Variants in PDSS2 observed in about 807,000 individuals in gnomAD.
PDSS2 encodes the protein decaprenyl diphosphate synthase subunit 2.
In PDSS2, 31 loss-of-function variants were observed where a neutral mutation model predicts 44.5. That is an observed-to-expected ratio of 0.70 (90% CI 0.52 to 0.94). The LOEUF is 0.94. Among genes scored for constraint, PDSS2 ranks in the 40% least tolerant of loss-of-function variants. The probability of loss-of-function intolerance (pLI) is 0.00; values close to 1 mark genes in which losing one functional copy is unlikely to be tolerated. For missense variants in PDSS2, 452 were observed against 482.2 expected (o/e 0.94, Z 0.59); for synonymous variants, 157 against 180.3 (o/e 0.87, Z 1.03).
chr6:107,287,579 T>C (rs2115004662), intron 2 of PDSS2, among the ~76,000 whole-genome samples: 1 of 152,284 alleles, frequency 6.6e-6, no homozygotes, highest in South Asian at 2.1e-4. Flanking sequence ...TGGAGTGCAG[T>C]GGTGCAATCT....
At chr6:107,297,123 CAA>C (rs1255531429) in intron 2 of PDSS2, among the ~76,000 whole-genome samples, 1 of 152,110 alleles carries the variant, frequency 6.6e-6, no homozygotes, top group Non-Finnish European at 1.5e-5. Context: ...TGGGCATAGA[CAA>C]AGGAATACAC....
intron 1 of PDSS2, among the ~76,000 whole-genome samples, chr6:107,414,517 C>A (rs1319336400): frequency 6.6e-6 from 1 of 152,206 alleles, no homozygotes; most frequent in African/African-American, 2.4e-5. Context: ...TACATACATT[C>A]TTAAGCACAG....
chr6:107,332,652 T>C (rs1462020131), intron 2 of PDSS2, among the ~76,000 whole-genome samples: 1 of 151,690 alleles, frequency 6.6e-6, no homozygotes, highest in Non-Finnish European at 1.5e-5. Flanking sequence ...GGAGGGAACA[T>C]GAGAACTACA....
intron 1 of PDSS2, among the ~76,000 whole-genome samples, chr6:107,442,373 C>G (rs1781535640): frequency 6.6e-6 from 1 of 152,126 alleles, no homozygotes. Context: ...GCTGAGATCA[C>G]ACCACTGCAC....
At chr6:107,277,488 T>C (rs969052418) in intron 2 of PDSS2, among the ~76,000 whole-genome samples, 1 of 152,188 alleles carries the variant, frequency 6.6e-6, no homozygotes, top group Admixed American at 6.5e-5. Context: ...GGATGATATA[T>C]ATTTTTTAAT....
intron 2 of PDSS2, 51 bp from the exon 3 acceptor site, chr6:107,274,278 A>C: frequency 1.4e-6 from 2 of 1,380,400 alleles, no homozygotes; most frequent in Non-Finnish European, 2.1e-6. Flanking sequence ...CCATTTTATC[A>C]CTAATGTCTG....
At chr6:107,286,404 G>C (rs997356780) in intron 2 of PDSS2, among the ~76,000 whole-genome samples, 1 of 151,854 alleles carries the variant, frequency 6.6e-6, no homozygotes, top group Non-Finnish European at 1.5e-5. Context: ...CAGCTACTCG[G>C]GAGGCTGAGG....
intron 1 of PDSS2, among the ~76,000 whole-genome samples, chr6:107,385,723 CT>C (rs968739897): frequency 3.3e-5 from 5 of 151,078 alleles, no homozygotes; most frequent in African/African-American, 1.2e-4. Flanking sequence ...AGCTGAACAT[CT>C]TTTTTTTTCT....
chr6:107,340,945 A>G (rs1360576871), intron 1 of PDSS2, among the ~76,000 whole-genome samples: 2 of 152,152 alleles, frequency 1.3e-5, no homozygotes, highest in African/African-American at 4.8e-5. Context: ...CTTGAAAGTC[A>G]GGTTTAGAGT....
intron 2 of PDSS2, among the ~76,000 whole-genome samples, chr6:107,288,995 C>T (rs1036470928): frequency 1.2e-4 from 18 of 149,872 alleles, no homozygotes; most frequent in African/African-American, 3.7e-4. Context: ...GCTCACCTCA[C>T]CTCTCAGGTG....
chr6:107,389,664 C>T (rs374492475), intron 1 of PDSS2, among the ~76,000 whole-genome samples: 3 of 152,164 alleles, frequency 2.0e-5, no homozygotes, highest in South Asian at 4.2e-4. Flanking sequence ...TGTAGATACA[C>T]AAATAATTAT....
intron 1 of PDSS2, among the ~76,000 whole-genome samples, chr6:107,336,114 G>GTAGT (rs1777882993): frequency 1.3e-5 from 2 of 151,392 alleles, no homozygotes; most frequent in African/African-American, 4.9e-5. Context: ...AATTACCCAG[G>GTAGT]CGTGGTGGCA....
At chr6:107,177,948 T>G (rs184683007) in intron 7 of PDSS2, among the ~76,000 whole-genome samples, 2 of 152,324 alleles carry the variant, frequency 1.3e-5, no homozygotes, top group Admixed American at 1.3e-4. Flanking sequence ...GAGGAATATA[T>G]AAACTATGTT....
At chr6:107,263,588 G>A (rs9486573) in intron 3 of PDSS2, among the ~76,000 whole-genome samples, 31,251 of 152,092 alleles carry the variant, frequency 0.21, 3,638 homozygotes, top group African/African-American at 0.3. Context: ...TAACCTTCCT[G>A]TGCCAAAAAG....
At chr6:107,395,002 T>C (rs1186294955) in intron 1 of PDSS2, among the ~76,000 whole-genome samples, 3 of 152,202 alleles carry the variant, frequency 2.0e-5, no homozygotes, top group East Asian at 1.9e-4. Context: ...TGATGACTTC[T>C]TTCAGCTTTG....
intron 1 of PDSS2, among the ~76,000 whole-genome samples, chr6:107,420,726 A>G (rs12110468): frequency 0.027 from 4,089 of 152,266 alleles, 203 homozygotes; most frequent in African/African-American, 0.094. Context: ...GAACCACAGA[A>G]CTATAAAACT....
intron 3 of PDSS2, among the ~76,000 whole-genome samples, chr6:107,258,574 G>C (rs891004200): frequency 2.0e-5 from 3 of 152,216 alleles, no homozygotes; most frequent in East Asian, 1.9e-4. Context: ...GGCCGAGGCA[G>C]GCAGATCACC....
chr6:107,238,577 A>G (rs1446124149), intron 4 of PDSS2, among the ~76,000 whole-genome samples: 1 of 152,212 alleles, frequency 6.6e-6, no homozygotes, highest in Non-Finnish European at 1.5e-5. Context: ...TCTACCACGG[A>G]GATTTACTGG....
chr6:107,247,557 T>C (rs1253218768), intron 3 of PDSS2, among the ~76,000 whole-genome samples: 1 of 152,176 alleles, frequency 6.6e-6, no homozygotes, highest in Non-Finnish European at 1.5e-5. Context: ...TTTAGATTTC[T>C]TTGAGTTAAC....
Sources: allele counts gnomAD v4.1 joint callset (sites outside exome capture counted in the v4.1 genomes callset), GRCh38; gene constraint gnomAD v4.1.1; transcripts MANE v1.5; gene names NCBI Gene and HGNC (gene_info 2026-07-23, HGNC 2026-07-21).